The following RBMS1 variants were observed in gnomAD, a reference collection of about 807,000 sequenced individuals.
RBMS1 encodes the protein RNA binding motif single stranded interacting protein 1, also known as RNA-binding motif, single-stranded-interacting protein 1.
A neutral mutation model predicts 62.3 loss-of-function variants in RBMS1; 17 were observed. That is an observed-to-expected ratio of 0.27 (90% CI 0.19 to 0.41). The LOEUF is 0.41. RBMS1 is among the 10% of genes least tolerant of loss of function. The pLI is 1.00. For synonymous variants in RBMS1, 172 were observed against 170.0 expected (o/e 1.01, Z -0.09); for missense variants, 334 against 504.5 (o/e 0.66, Z 3.24).
intron 1 of RBMS1, among the ~76,000 whole-genome samples, chr2:160,368,197 G>C (rs1167996172): frequency 6.6e-6 from 1 of 152,188 alleles, no homozygotes; most frequent in Admixed American, 6.5e-5. Flanking sequence ...TGACTTTGAG[G>C]AAGTTAAATG....
intron 2 of RBMS1, among the ~76,000 whole-genome samples, chr2:160,329,163 C>T (rs761173876): frequency 2.0e-5 from 3 of 152,104 alleles, no homozygotes; most frequent in Admixed American, 6.6e-5. Flanking sequence ...ATCCTGACTG[C>T]CCTGTGACCT....
At chr2:160,484,496 C>CACAACA (rs757445379) in intron 1 of RBMS1, among the ~76,000 whole-genome samples, 4 of 149,108 alleles carry the variant, frequency 2.7e-5, no homozygotes, top group Non-Finnish European at 6.0e-5. Context: ...GAGACTCCGT[C>CACAACA]ACAACAACAA....
At chr2:160,455,779 G>A (rs1270062710) in intron 1 of RBMS1, among the ~76,000 whole-genome samples, 3 of 151,066 alleles carry the variant, frequency 2.0e-5, no homozygotes, top group Non-Finnish European at 4.4e-5. Flanking sequence ...CGCCTCCCGG[G>A]TTCACGCCAT....
At chr2:160,412,051 TGGA>T (rs1042837654) in intron 1 of RBMS1, among the ~76,000 whole-genome samples, 2 of 152,236 alleles carry the variant, frequency 1.3e-5, no homozygotes, top group Admixed American at 6.5e-5. Flanking sequence ...AGTTAGGTGT[TGGA>T]GAAGAGCCAT....
chr2:160,278,322 G>A, intron 11 of RBMS1: 1 of 567,294 alleles, frequency 1.8e-6, no homozygotes, highest in Non-Finnish European at 3.2e-6. Flanking sequence ...TCACGTGTGG[G>A]TGCTATATTC....
At position 160,407,498 on chromosome 2, in the gene RBMS1, C is replaced by T. The variant is rs1695806594; in HGVS notation, c.76-40107G>A. 4.1e-6 allele frequency: 4 copies of T among 986,088 alleles called. No individual in the cohort carries two copies. The South Asian group carries it at 1.4e-4, about 33-fold the overall frequency. The allele number at this position is 986,088 out of a possible 1,614,324, so 61.1% of individuals were successfully genotyped here. On this transcript the variant is annotated intron_variant, in intron 1 of 13. Transcript: ENST00000348849. ...ATAGGGCGTCCGGCAGTTGCTGCTG[C>T]CCCCGGGGTTGCCACTGCTGCTGGG...
intron 1 of RBMS1, among the ~76,000 whole-genome samples, chr2:160,435,485 T>C (rs1250775177): frequency 4.6e-5 from 7 of 152,218 alleles, no homozygotes; most frequent in Non-Finnish European, 7.3e-5. Context: ...TTCAGAGTAT[T>C]TAATAAAGGA....
intron 1 of RBMS1, among the ~76,000 whole-genome samples, chr2:160,456,458 A>G (rs753452312): frequency 9.9e-5 from 15 of 152,250 alleles, no homozygotes; most frequent in Non-Finnish European, 1.5e-4. Context: ...AATAAAATAC[A>G]GTATAGATTG....
chr2:160,486,991 G>A (rs1346248262), intron 1 of RBMS1, among the ~76,000 whole-genome samples: 7 of 152,112 alleles, frequency 4.6e-5, no homozygotes, highest in Non-Finnish European at 1.0e-4. Flanking sequence ...CCTCTAATAG[G>A]TTGGCTTAAC....
intron 1 of RBMS1, among the ~76,000 whole-genome samples, chr2:160,392,950 C>CT (rs1559494770): frequency 6.6e-6 from 1 of 152,144 alleles, no homozygotes; most frequent in Non-Finnish European, 1.5e-5. Flanking sequence ...ATACTACCTT[C>CT]TTTTTTGCTT....
At chr2:160,297,936 A>G (rs1689022821) in intron 6 of RBMS1, among the ~76,000 whole-genome samples, 1 of 152,186 alleles carries the variant, frequency 6.6e-6, no homozygotes, top group African/African-American at 2.4e-5. Flanking sequence ...CTTTCCTTCT[A>G]ACTGAGAGGG....
chr2:160,434,835 T>G (rs562294028), intron 1 of RBMS1, among the ~76,000 whole-genome samples: 1 of 152,318 alleles, frequency 6.6e-6, no homozygotes, highest in South Asian at 2.1e-4. Flanking sequence ...TATCTGATGA[T>G]CTTTAAAAAT....
intron 1 of RBMS1, among the ~76,000 whole-genome samples, chr2:160,482,824 C>T (rs775433055): frequency 1.9e-4 from 29 of 152,134 alleles, no homozygotes; most frequent in Non-Finnish European, 2.5e-4. Context: ...GCTGTTGTGG[C>T]GCCCTAGAAA....
At chr2:160,461,656 C>T (rs929803839) in intron 1 of RBMS1, among the ~76,000 whole-genome samples, 4 of 152,256 alleles carry the variant, frequency 2.6e-5, no homozygotes, top group Admixed American at 1.3e-4. Flanking sequence ...TGGGCTCACA[C>T]CCATCACTGC....
intron 1 of RBMS1, among the ~76,000 whole-genome samples, chr2:160,464,430 C>T (rs569310092): frequency 2.0e-5 from 3 of 152,208 alleles, no homozygotes; most frequent in South Asian, 2.1e-4. Context: ...TACAGTTGTA[C>T]GTATTTTTTA....
chr2:160,400,067 TC>T (rs1231803361), intron 1 of RBMS1, among the ~76,000 whole-genome samples: 1 of 152,176 alleles, frequency 6.6e-6, no homozygotes, highest in Non-Finnish European at 1.5e-5. Flanking sequence ...CCCATCTTGC[TC>T]TGGAGCTTTG....
At chr2:160,460,013 C>T (rs1269507704) in intron 1 of RBMS1, among the ~76,000 whole-genome samples, 1 of 152,176 alleles carries the variant, frequency 6.6e-6, no homozygotes, top group Non-Finnish European at 1.5e-5. Flanking sequence ...ATCTAACACA[C>T]AATTCAATCC....
At chr2:160,482,631 C>T (rs1341544219) in intron 1 of RBMS1, among the ~76,000 whole-genome samples, 1 of 152,160 alleles carries the variant, frequency 6.6e-6, no homozygotes, top group Admixed American at 6.5e-5. Context: ...TGGCTGTGCA[C>T]TTCCTGAAGA....
chr2:160,425,903 C>G (rs1457970743), intron 1 of RBMS1, among the ~76,000 whole-genome samples: 3 of 152,052 alleles, frequency 2.0e-5, no homozygotes, highest in Non-Finnish European at 4.4e-5. Flanking sequence ...TAGTGGGTCT[C>G]TATTACTGTG....
Sources: gnomAD v4.1 joint callset for allele counts (sites outside exome capture counted in the v4.1 genomes callset) on GRCh38, gnomAD v4.1.1 for gene constraint, MANE v1.5 for transcripts, NCBI Gene and HGNC (gene_info 2026-07-23, HGNC 2026-07-21) for gene names.